TBC1D5: variants seen among roughly 807,000 people sequenced by gnomAD.
TBC1D5 encodes TBC1 domain family member 5.
Under a neutral mutation model 100.3 loss-of-function variants are expected in TBC1D5, and 75 were observed. The ratio of observed to expected loss-of-function variants is 0.75; its 90% CI spans 0.62 to 0.91. The LOEUF (loss-of-function observed/expected upper bound fraction) is 0.91, where lower values mean the gene tolerates loss of function less well. TBC1D5 is among the 40% of genes least tolerant of loss of function. The pLI is 0.00. For synonymous variants in TBC1D5, 323 were observed against 325.6 expected, an observed-to-expected ratio of 0.99 and a Z score of 0.09; for missense variants, 910 against 942.4, an observed-to-expected ratio of 0.97 and a Z score of 0.45.
intron 3 of TBC1D5, among the ~76,000 whole-genome samples, chr3:17,488,477 C>T (rs2095598209): frequency 1.3e-5 from 2 of 152,160 alleles, no homozygotes; most frequent in African/African-American, 4.8e-5. Context: ...GTTTTCAACA[C>T]ACTTGGGTAA....
chr3:17,454,724 T>G (rs933511913), intron 3 of TBC1D5, among the ~76,000 whole-genome samples: 3 of 152,184 alleles, frequency 2.0e-5, no homozygotes, highest in Non-Finnish European at 4.4e-5. Flanking sequence ...CATCCCAAAG[T>G]ATTGGGATTA....
At chr3:17,297,667 T>C (rs981195977) in intron 14 of TBC1D5, among the ~76,000 whole-genome samples, 6 of 152,072 alleles carry the variant, frequency 3.9e-5, no homozygotes, top group African/African-American at 1.2e-4. Context: ...AATGAAGCCT[T>C]GACCTCCTGG....
intron 18 of TBC1D5, among the ~76,000 whole-genome samples, chr3:17,186,710 CAAAAAAAAAAAAAAAAAAAAAAAA>C (rs58438478): frequency 7.3e-5 from 2 of 27,272 alleles, no homozygotes; most frequent in South Asian, 5.1e-3. Flanking sequence ...ACTCTATCTC[CAAAAAAAAAAAAAAAAAAAAAAAA>C]AAAAAAAAAA....
chr3:17,393,193 T>C (rs141829172), intron 8 of TBC1D5, among the ~76,000 whole-genome samples: 4,714 of 152,140 alleles, frequency 0.031, 106 homozygotes, highest in Non-Finnish European at 0.047. Context: ...CTTCACCCCA[T>C]TTTTGATGGG....
intron 1 of TBC1D5, among the ~76,000 whole-genome samples, chr3:17,725,075 A>T (rs1190340625): frequency 6.6e-6 from 1 of 152,088 alleles, no homozygotes; most frequent in Non-Finnish European, 1.5e-5. Context: ...TCTGTCTGAT[A>T]TTTCCAATAT....
At chr3:17,618,372 T>C (rs1326076824) in intron 2 of TBC1D5, among the ~76,000 whole-genome samples, 1 of 152,178 alleles carries the variant, frequency 6.6e-6, no homozygotes, top group Non-Finnish European at 1.5e-5. Context: ...CCAACTTGAG[T>C]AGGCAGTCTG....
chr3:17,176,581 A>G (rs966171725), intron 19 of TBC1D5, among the ~76,000 whole-genome samples: 2 of 152,210 alleles, frequency 1.3e-5, no homozygotes, highest in Non-Finnish European at 2.9e-5. Flanking sequence ...GTTCTCACTC[A>G]TAAGAGGGAG....
chr3:17,733,521 A>T (rs2076731796), intron 1 of TBC1D5, among the ~76,000 whole-genome samples: 1 of 152,234 alleles, frequency 6.6e-6, no homozygotes, highest in Non-Finnish European at 1.5e-5. Context: ...AGCAATAATT[A>T]TAAAGGAAGA....
intron 9 of TBC1D5, among the ~76,000 whole-genome samples, chr3:17,380,469 C>T (rs966063157): frequency 1.3e-5 from 2 of 151,640 alleles, no homozygotes; most frequent in African/African-American, 2.4e-5. Context: ...AGAGAAATAC[C>T]AGAAATAATA....
At chr3:17,511,535 G>C (rs1211720911) in intron 2 of TBC1D5, among the ~76,000 whole-genome samples, 4 of 151,846 alleles carry the variant, frequency 2.6e-5, no homozygotes, top group Non-Finnish European at 5.9e-5. Context: ...TTTTTAAAAG[G>C]AGTATTTTTT....
chr3:17,318,979 T>C (rs2085035736), intron 13 of TBC1D5, among the ~76,000 whole-genome samples: 1 of 152,186 alleles, frequency 6.6e-6, no homozygotes. Context: ...GGGAAACTCA[T>C]TAAGGAAACT....
chr3:17,370,505 T>C (rs933720286), intron 13 of TBC1D5, among the ~76,000 whole-genome samples: 3 of 152,248 alleles, frequency 2.0e-5, no homozygotes, highest in Non-Finnish European at 2.9e-5. Context: ...AATTCATTAA[T>C]AACCTGCATT....
intron 18 of TBC1D5, among the ~76,000 whole-genome samples, chr3:17,205,176 A>G (rs1480824172): frequency 6.6e-6 from 1 of 152,202 alleles, no homozygotes; most frequent in Non-Finnish European, 1.5e-5. Context: ...ATGAGACTGT[A>G]TTTTATTCCA....
chr3:17,240,514 T>C (rs2076221154), intron 16 of TBC1D5, among the ~76,000 whole-genome samples: 1 of 152,142 alleles, frequency 6.6e-6, no homozygotes, highest in East Asian at 1.9e-4. Context: ...TTACATTTAC[T>C]ATAGGCTGGC....
In TBC1D5 at chr3:17,166,981, A is replaced by C. The variant is rs2066679338; in HGVS notation, c.1933-53T>G. ...GAAAAAAATGGATGAGTTTGTTTTC[A>C]GATGCTAGCTAAATCTCTCAGACAT... On this transcript the variant is annotated intron_variant, in intron 20 of 21. Transcript: ENST00000253692. 5.9e-6 allele frequency: 9 copies of C among 1,513,500 alleles called. No individual in the cohort carries two copies. The Middle Eastern group carries it at 9.5e-4, about 159-fold the overall frequency. The allele number at this position is 1,513,500 out of a possible 1,614,324, so 93.8% of individuals were successfully genotyped here. A position where few individuals can be genotyped will look rare whatever the true frequency, so the allele number is the denominator to read the frequency against.
At chr3:17,300,994 C>G (rs1191584032) in intron 14 of TBC1D5, among the ~76,000 whole-genome samples, 2 of 928 alleles carry the variant, frequency 2.2e-3, no homozygotes, top group Non-Finnish European at 6.0e-3. Context: ...TCACTTGAAC[C>G]CGGGAGGTGG....
chr3:17,630,507 A>G (rs1422538117), intron 1 of TBC1D5, among the ~76,000 whole-genome samples: 1 of 152,170 alleles, frequency 6.6e-6, no homozygotes, highest in Non-Finnish European at 1.5e-5. Context: ...ACCACACCCA[A>G]TAAAGCAGAT....
chr3:17,560,221 CTA>C (rs1481365844), intron 2 of TBC1D5, among the ~76,000 whole-genome samples: 1 of 152,144 alleles, frequency 6.6e-6, no homozygotes, highest in Non-Finnish European at 1.5e-5. Flanking sequence ...AAAATCCAGA[CTA>C]CAAGGAACTC....
chr3:17,476,818 T>G (rs964600193), intron 3 of TBC1D5, among the ~76,000 whole-genome samples: 2 of 151,968 alleles, frequency 1.3e-5, no homozygotes, highest in Admixed American at 1.3e-4. Context: ...CCACATAGTT[T>G]ACTGATTTAT....
Sources: gnomAD v4.1 joint callset for allele counts (sites outside exome capture counted in the v4.1 genomes callset) on GRCh38, gnomAD v4.1.1 for gene constraint, MANE v1.5 for transcripts, NCBI Gene and HGNC (gene_info 2026-07-23, HGNC 2026-07-21) for gene names.